Variants in SESTD1 observed in about 807,000 individuals in gnomAD.
SESTD1 encodes the protein SEC14 domain and spectrin repeat-containing protein 1.
A neutral mutation model predicts 101.7 loss-of-function variants in SESTD1; 43 were observed. The observed-to-expected ratio is 0.42, with a 90% CI of 0.33 to 0.55. SESTD1 has a LOEUF of 0.55. Among genes scored for constraint, SESTD1 ranks in the 20% least tolerant of loss-of-function variants. The pLI, the probability that SESTD1 is intolerant of heterozygous loss-of-function variation, is 0.07. For missense variants in SESTD1, 647 were observed against 815.1 expected (o/e 0.79, Z 2.51); for synonymous variants, 283 against 286.8 (o/e 0.99, Z 0.13).
intron 1 of SESTD1, among the ~76,000 whole-genome samples, chr2:179,213,016 T>C (rs370234757): frequency 2.2e-5 from 3 of 134,440 alleles, no homozygotes; most frequent in Admixed American, 1.4e-4. Context: ...AGACCAAAGG[T>C]AGATAAAACC....
chr2:179,181,907 C>T (rs1207100315), intron 3 of SESTD1, among the ~76,000 whole-genome samples: 2 of 151,280 alleles, frequency 1.3e-5, no homozygotes, highest in African/African-American at 4.9e-5. Flanking sequence ...TACTAATGCA[C>T]TGACTACAGG....
chr2:179,135,949 C>G (rs184477512), intron 9 of SESTD1, among the ~76,000 whole-genome samples: 5 of 152,196 alleles, frequency 3.3e-5, no homozygotes, highest in South Asian at 2.1e-4. Flanking sequence ...CTCAACACAT[C>G]CACTTTTTCT....
At chr2:179,125,952 T>C (rs914916960) in intron 10 of SESTD1, among the ~76,000 whole-genome samples, 1 of 152,216 alleles carries the variant, frequency 6.6e-6, no homozygotes, top group African/African-American at 2.4e-5. Flanking sequence ...ACTCCACTTG[T>C]GCATTACAGC....
At chr2:179,256,870 A>C (rs527857813) in intron 1 of SESTD1, among the ~76,000 whole-genome samples, 1 of 152,178 alleles carries the variant, frequency 6.6e-6, no homozygotes, top group African/African-American at 2.4e-5. Context: ...GGAGCAAAGC[A>C]AGTAGTTTCT....
chr2:179,169,046 A>C (rs1207691177), intron 5 of SESTD1, among the ~76,000 whole-genome samples: 1 of 152,168 alleles, frequency 6.6e-6, no homozygotes, highest in Admixed American at 6.5e-5. Context: ...TACTTAGTCC[A>C]AAGGCAAAAA....
At chr2:179,116,921 TTA>T in intron 14 of SESTD1, 131 bp from the exon 15 acceptor site, 1 of 1,248,054 alleles carries the variant, frequency 8.0e-7, no homozygotes, top group Non-Finnish European at 1.1e-6. Flanking sequence ...TCTTAAAAGC[TTA>T]TTTCATTCAA....
intron 1 of SESTD1, among the ~76,000 whole-genome samples, chr2:179,233,275 T>G (rs1229314628): frequency 1.3e-5 from 2 of 152,174 alleles, no homozygotes; most frequent in African/African-American, 4.8e-5. Context: ...GGATTAGCAA[T>G]TCTAAATTAC....
chr2:179,116,457 C>A (rs1034517420), intron 15 of SESTD1: 2 of 645,622 alleles, frequency 3.1e-6, no homozygotes, highest in East Asian at 2.9e-5. Context: ...ATCAGAGGGA[C>A]CATGCAGAAC....
At position 179,103,213 on chromosome 2, in the gene SESTD1, T is replaced by G. The variant is rs1382231279; in HGVS notation, c.*6686A>C. ...TGAGGAGCTGTCTGGGGCAGACAGG[T>G]CTTTGCTTTCCTCAGATAGTTCCAA... On this transcript the variant is annotated 3_prime_UTR_variant, in exon 18 of 18. Transcript: ENST00000428443. 6.6e-6 allele frequency: 1 copy of G among 152,048 alleles called. No individual in the cohort carries two copies. The highest frequency in any genetic ancestry group is 1.5e-5 in the Non-Finnish European group (1 of 67,988). 9.4% of individuals were successfully genotyped at this position (152,048 alleles called of 1,614,324 possible). A position where few individuals can be genotyped will look rare whatever the true frequency, so the allele number is the denominator to read the frequency against.
chr2:179,109,054 T>A lies in SESTD1; in HGVS notation c.*845A>T, dbSNP rs1455533088. On this transcript the variant is annotated 3_prime_UTR_variant, in exon 18 of 18. Coordinates refer to ENST00000428443, the MANE Select transcript of SESTD1 (RefSeq NM_178123.5). ...ATAATTTTGAGAATATTTTTCAAGT[T>A]GAAAAAGAGAAAAATTAGAAATAGT... is the stretch of plus-strand genomic sequence containing the variant. 2 of 152,490 alleles carry A rather than the reference T, an allele frequency of 1.3e-5. No homozygotes were observed. The highest frequency in any genetic ancestry group is 2.9e-5 in the Non-Finnish European group (2 of 68,000). 9.4% of individuals were successfully genotyped at this position (152,490 alleles called of 1,614,324 possible).
rs1018850058 is a variant in SESTD1 at position 179,202,769 on chromosome 2, G to C, written c.-25-10903C>G. 2.2e-5 allele frequency among the ~76,000 whole-genome samples: 3 copies of C among 135,272 alleles called. No individual in the cohort carries two copies. In the East Asian group the frequency reaches 6.0e-4, roughly 27 times the overall value. The allele number at this position is 135,272 out of a possible 152,430, so 88.7% of individuals were successfully genotyped here. A position where few individuals can be genotyped will look rare whatever the true frequency, so the allele number is the denominator to read the frequency against. The stretch of plus-strand genomic sequence containing the variant: ...AATCATTCTCTCCCCAAAGATGCCT[G>C]CTACCTTCACGAATCTCTCCTGGAT... On this transcript the variant is annotated intron_variant, in intron 1 of 17. Coordinates refer to ENST00000428443, the MANE Select transcript of SESTD1 (RefSeq NM_178123.5).
intron 1 of SESTD1, among the ~76,000 whole-genome samples, chr2:179,233,807 C>A (rs111773911): frequency 9.9e-5 from 15 of 152,118 alleles, no homozygotes; most frequent in Admixed American, 3.9e-4. Flanking sequence ...TGCATGCATG[C>A]GTGTGTGTGC....
intron 1 of SESTD1, among the ~76,000 whole-genome samples, chr2:179,199,688 G>C (rs938421758): frequency 3.3e-5 from 5 of 152,202 alleles, no homozygotes; most frequent in African/African-American, 1.2e-4. Context: ...CATATAAACA[G>C]AACCAAAGAC....
intron 1 of SESTD1, among the ~76,000 whole-genome samples, chr2:179,260,588 T>A (rs1336840994): frequency 6.6e-6 from 1 of 152,200 alleles, no homozygotes; most frequent in African/African-American, 2.4e-5. Context: ...TGATTTCTAG[T>A]AAACGTTTAA....
chr2:179,128,008 G>T lies in SESTD1; in HGVS notation c.973-3450C>A, dbSNP rs143988793. Reference sequence around the variant, plus strand: ...AACGATTCTGAGAAAAGCAGTGAAGGATTAGAGTCCTAGAATAGCACTTTT... The same window carrying T: ...AACGATTCTGAGAAAAGCAGTGAAGTATTAGAGTCCTAGAATAGCACTTTT... On this transcript the variant is annotated intron_variant, in intron 10 of 17. Transcript: ENST00000428443. Among the ~76,000 whole-genome samples the T allele has an allele frequency of 2.3e-3, 354 of 152,310 alleles. 2 individuals are homozygous for T. The highest frequency in any genetic ancestry group is 8.1e-3 in the African/African-American group (337 of 41,574).
intron 3 of SESTD1, among the ~76,000 whole-genome samples, chr2:179,181,723 A>G (rs1385401963): frequency 2.0e-5 from 3 of 152,146 alleles, no homozygotes; most frequent in Admixed American, 6.6e-5. Flanking sequence ...GGCACTTGAC[A>G]TATTTAACCT....
intron 1 of SESTD1, among the ~76,000 whole-genome samples, chr2:179,230,254 A>G (rs569716519): frequency 4.0e-4 from 59 of 147,292 alleles, no homozygotes; most frequent in African/African-American, 1.3e-3. Flanking sequence ...TCCCACCTCA[A>G]CCTCCTCAGT....
At chr2:179,169,012 G>C (rs1034981951) in intron 5 of SESTD1, among the ~76,000 whole-genome samples, 19 of 152,064 alleles carry the variant, frequency 1.2e-4, no homozygotes, top group African/African-American at 4.6e-4. Context: ...AGCCAATAAC[G>C]GAGTGAGGTG....
At chr2:179,254,583 T>C (rs1240703702) in intron 1 of SESTD1, among the ~76,000 whole-genome samples, 2 of 152,232 alleles carry the variant, frequency 1.3e-5, no homozygotes, top group African/African-American at 4.8e-5. Context: ...CACTGCTCAA[T>C]GATCACAGTA....
Sources: allele counts gnomAD v4.1 joint callset (sites outside exome capture counted in the v4.1 genomes callset), GRCh38; gene constraint gnomAD v4.1.1; transcripts MANE v1.5; gene names NCBI Gene and HGNC (gene_info 2026-07-23, HGNC 2026-07-21).